The following ZSWIM5 variants were observed in gnomAD, a reference collection of about 807,000 sequenced individuals.
ZSWIM5 encodes the protein zinc finger SWIM-type containing 5.
In ZSWIM5, 55 loss-of-function variants were observed where a neutral mutation model predicts 119.6. The ratio of observed to expected loss-of-function variants is 0.46; its 90% confidence interval spans 0.37 to 0.58. The LOEUF (loss-of-function observed/expected upper bound fraction) is 0.58, where lower values mean the gene tolerates loss of function less well. ZSWIM5 is among the 20% of genes least tolerant of loss of function. The probability of loss-of-function intolerance (pLI) is 0.00; values close to 1 mark genes in which losing one functional copy is unlikely to be tolerated. For synonymous variants in ZSWIM5, 537 were observed against 606.9 expected, an observed-to-expected ratio of 0.88 and a Z score of 1.69; for missense variants, 1,193 against 1,512.8, an observed-to-expected ratio of 0.79 and a Z score of 3.51.
At chr1:45,020,225 G>A (rs554392652) in intron 12 of ZSWIM5, 78 bp from the exon 13 acceptor site, 55 of 1,192,856 alleles carry the variant, frequency 4.6e-5, no homozygotes, top group East Asian at 1.6e-4. Context: ...TCATTTATGC[G>A]ACAAATATTT....
chr1:45,104,670 T>C lies in ZSWIM5; in HGVS notation c.596-16433A>G, dbSNP rs1023624699. On this transcript the variant is annotated intron_variant, in intron 1 of 13. Transcript: ENST00000359600. Reference sequence around the variant, plus strand: ...CTGCCCCATTACCCTGAGAACTACTTGGTTTGTTTGTATTATAGAGGTCAC... The same window carrying C: ...CTGCCCCATTACCCTGAGAACTACTCGGTTTGTTTGTATTATAGAGGTCAC... Among the ~76,000 whole-genome samples, 12 of 152,244 alleles carry C rather than the reference T, an allele frequency of 7.9e-5. No individual in the cohort carries two copies. The South Asian group carries it at 2.5e-3, about 32-fold the overall frequency.
intron 11 of ZSWIM5, among the ~76,000 whole-genome samples, chr1:45,032,085 G>A (rs945191843): frequency 6.6e-5 from 10 of 151,558 alleles, no homozygotes; most frequent in South Asian, 6.2e-4. Context: ...TTTTATTATC[G>A]AATTCTAATT....
chr1:45,053,753 A>G (rs2148998235), intron 4 of ZSWIM5, among the ~76,000 whole-genome samples: 1 of 87,728 alleles, frequency 1.1e-5, no homozygotes, highest in East Asian at 3.4e-4. Context: ...ACAGAGCGAG[A>G]CTCTGTTTCA....
At chr1:45,136,535 T>G (rs1375945039) in intron 1 of ZSWIM5, among the ~76,000 whole-genome samples, 1 of 152,154 alleles carries the variant, frequency 6.6e-6, no homozygotes, top group African/African-American at 2.4e-5. Context: ...TGGGCCTGTT[T>G]CTCTTGTCTT....
intron 1 of ZSWIM5, among the ~76,000 whole-genome samples, chr1:45,196,365 A>G (rs1033766654): frequency 6.8e-6 from 1 of 146,752 alleles, no homozygotes; most frequent in Non-Finnish European, 1.5e-5. Flanking sequence ...TGTGAAACCA[A>G]GATTGAAGCC....
intron 5 of ZSWIM5, among the ~76,000 whole-genome samples, chr1:45,045,323 GT>G (rs1273895338): frequency 6.6e-6 from 1 of 152,142 alleles, no homozygotes; most frequent in African/African-American, 2.4e-5. Flanking sequence ...GTATTATACT[GT>G]ACGGACATTT....
At position 45,206,084 on chromosome 1, in the gene ZSWIM5, G is replaced by A. The variant is rs1553204412; in HGVS notation, c.267C>T (p.Ile89=). ...CGATGCGGCGCTGCACGGGCTCCGGGATCCGCTCGAAGCGCTCCTCCACCC... is the reference window on the plus strand; with the variant it reads ...CGATGCGGCGCTGCACGGGCTCCGGAATCCGCTCGAAGCGCTCCTCCACCC... ...YERVEERFER[I]PEPVQRRIVY... The change falls in exon 1 of 14, where the codon ATC becomes ATT. Residue 89 remains isoleucine (I), a synonymous_variant. Coordinates refer to ENST00000359600, the MANE Select transcript of ZSWIM5 (RefSeq NM_020883.2). 2.5e-6 allele frequency: 4 copies of A among 1,611,814 alleles called. No individual in the cohort carries two copies. The South Asian group carries it at 3.3e-5, about 13-fold the overall frequency.
chr1:45,142,635 T>C (rs1645734363), intron 1 of ZSWIM5, among the ~76,000 whole-genome samples: 1 of 152,148 alleles, frequency 6.6e-6, no homozygotes. Flanking sequence ...CCAATAGTTG[T>C]ATATTTACAA....
chr1:45,145,460 A>G (rs916752204), intron 1 of ZSWIM5, among the ~76,000 whole-genome samples: 3 of 152,218 alleles, frequency 2.0e-5, no homozygotes, highest in African/African-American at 2.4e-5. Flanking sequence ...GTACATTTAT[A>G]TAACAGAATA....
chr1:45,101,385 G>C (rs998894578), intron 1 of ZSWIM5, among the ~76,000 whole-genome samples: 1 of 152,134 alleles, frequency 6.6e-6, no homozygotes, highest in Non-Finnish European at 1.5e-5. Context: ...TAAAAAGTCA[G>C]GAAACAACAG....
intron 4 of ZSWIM5, among the ~76,000 whole-genome samples, chr1:45,053,681 T>A (rs1433116323): frequency 6.9e-6 from 1 of 144,572 alleles, no homozygotes; most frequent in Non-Finnish European, 1.5e-5. Flanking sequence ...GAGAATCTCT[T>A]GAGTCCAGGA....
intron 1 of ZSWIM5, among the ~76,000 whole-genome samples, chr1:45,203,695 T>C (rs1646171067): frequency 1.3e-5 from 2 of 152,090 alleles, no homozygotes; most frequent in Non-Finnish European, 2.9e-5. Context: ...ACTTTAAGTT[T>C]AGGAGATGGG....
intron 10 of ZSWIM5, among the ~76,000 whole-genome samples, chr1:45,034,860 C>T (rs1644973413): frequency 6.6e-6 from 1 of 152,178 alleles, no homozygotes; most frequent in Non-Finnish European, 1.5e-5. Flanking sequence ...CAGCTCACTG[C>T]AGCCCCGACC....
intron 2 of ZSWIM5, among the ~76,000 whole-genome samples, chr1:45,084,237 T>G (rs1330656116): frequency 6.6e-6 from 1 of 152,150 alleles, no homozygotes; most frequent in Non-Finnish European, 1.5e-5. Context: ...CCAGATCTCA[T>G]GAGAACTCAC....
chr1:45,059,999 T>G, intron 3 of ZSWIM5, 100 bp downstream of exon 3: 1,348 of 1,381,330 alleles, frequency 9.8e-4, no homozygotes, highest in Non-Finnish European at 1.2e-3. Context: ...CTATGTCAAG[T>G]GAGCTAGGTA....
intron 1 of ZSWIM5, among the ~76,000 whole-genome samples, chr1:45,111,911 T>C (rs1645520738): frequency 6.6e-6 from 1 of 152,260 alleles, no homozygotes; most frequent in African/African-American, 2.4e-5. Flanking sequence ...GCTTGTATGC[T>C]GACATCTTTG....
At position 45,018,389 on chromosome 1, in the gene ZSWIM5, GCCCTT is replaced by G; in HGVS notation, c.*60_*64del. 6.4e-7 allele frequency: 1 copy of G among 1,557,864 alleles called. No individual in the cohort carries two copies. Among genetic ancestry groups the G allele is most frequent in the Non-Finnish European group, 8.7e-7 (1 of 1,151,452 alleles). ...TCTCAGGGTGGACAAATGTTTCAGT[GCCCTT>G]GGCCTGACCTGATACTACCTGGGAA... On this transcript the variant is annotated 3_prime_UTR_variant, in exon 14 of 14. Coordinates refer to ENST00000359600, the MANE Select transcript of ZSWIM5 (RefSeq NM_020883.2). The surrounding 1 kb of genome is among the most constrained non-coding windows in gnomAD (Gnocchi z 6.7).
chr1:45,127,753 G>A (rs1425992649), intron 1 of ZSWIM5, among the ~76,000 whole-genome samples: 1 of 152,014 alleles, frequency 6.6e-6, no homozygotes, highest in Non-Finnish European at 1.5e-5. Context: ...ACAAAGCAGT[G>A]GTGAATCAGT....
chr1:45,056,610 CAA>C (rs35492318), intron 4 of ZSWIM5, among the ~76,000 whole-genome samples: 1 of 140,774 alleles, frequency 7.1e-6, no homozygotes. Flanking sequence ...GACTCTGTCT[CAA>C]AAAAAAAAAA....
Sources: allele counts gnomAD v4.1 joint callset (sites outside exome capture counted in the v4.1 genomes callset), GRCh38; gene constraint gnomAD v4.1.1; non-coding constraint Gnocchi (gnomAD v3.1); transcripts MANE v1.5; gene names NCBI Gene and HGNC (gene_info 2026-07-23, HGNC 2026-07-21).